Variants in CPQ observed in about 807,000 individuals in gnomAD.
CPQ encodes carboxypeptidase Q.
A neutral mutation model predicts 45.7 loss-of-function variants in CPQ; 37 were observed. The ratio of observed to expected loss-of-function variants is 0.81; its 90% CI spans 0.62 to 1.07. CPQ has a LOEUF of 1.07. Among genes scored for constraint, CPQ ranks in the 50% least tolerant of loss-of-function variants. The pLI is 0.00. For missense variants in CPQ, 537 were observed against 572.9 expected (o/e 0.94, Z 0.64); for synonymous variants, 186 against 205.8 (o/e 0.90, Z 0.82).
At chr8:96,785,443 T>G in intron 2 of CPQ, 113 bp downstream of exon 2, 6 of 917,376 alleles carry the variant, frequency 6.5e-6, no homozygotes, top group Non-Finnish European at 9.6e-6. Context: ...CCTATTCCAT[T>G]GGCTTAATGA....
chr8:96,804,623 G>C (rs1458150033), intron 2 of CPQ, among the ~76,000 whole-genome samples: 1 of 149,920 alleles, frequency 6.7e-6, no homozygotes, highest in Non-Finnish European at 1.5e-5. Context: ...ATACTCTTTT[G>C]GTCACATAGG....
chr8:96,946,398 A>G (rs1813188849), intron 4 of CPQ, among the ~76,000 whole-genome samples: 1 of 152,170 alleles, frequency 6.6e-6, no homozygotes, highest in African/African-American at 2.4e-5. Context: ...TTGAAAGAAA[A>G]TTATTATCAG....
intron 1 of CPQ, among the ~76,000 whole-genome samples, chr8:96,774,418 T>C (rs1810582248): frequency 6.6e-6 from 1 of 152,110 alleles, no homozygotes; most frequent in Non-Finnish European, 1.5e-5. Flanking sequence ...TTAAGATAAA[T>C]CTGGTGGCAA....
Position 96,853,558 on chromosome 8 carries a change from G to C in CPQ, c.641+18378G>C, listed in dbSNP as rs532552783. ...ACAAAGCAGATGTTTATAATACTGG[G>C]CATGATTTTTTTTTTTTTTGGTCAA... is the stretch of plus-strand genomic sequence containing the variant. On this transcript the variant is annotated intron_variant, in intron 3 of 7. Transcript: ENST00000220763. Among the ~76,000 whole-genome samples, 178 of 135,898 alleles carry C rather than the reference G, an allele frequency of 1.3e-3. 1 individual carries two copies. The highest frequency in any genetic ancestry group is 4.4e-3 in the African/African-American group (173 of 39,068). The allele number at this position is 135,898 out of a possible 152,430, so 89.2% of individuals were successfully genotyped here.
chr8:97,101,572 C>CTTTTTTTTT (rs5893410), intron 7 of CPQ, among the ~76,000 whole-genome samples: 5 of 114,208 alleles, frequency 4.4e-5, no homozygotes, highest in Non-Finnish European at 8.8e-5. Context: ...TTTCTTTTTT[C>CTTTTTTTTT]TTTTTTTTTT....
At chr8:96,924,191 T>C (rs1812843898) in intron 4 of CPQ, among the ~76,000 whole-genome samples, 1 of 152,170 alleles carries the variant, frequency 6.6e-6, no homozygotes, top group Admixed American at 6.5e-5. Flanking sequence ...ATGGTGGTGA[T>C]TCCATAGCAT....
chr8:96,759,804 GC>G (rs1810375451), intron 1 of CPQ, among the ~76,000 whole-genome samples: 1 of 152,108 alleles, frequency 6.6e-6, no homozygotes, highest in South Asian at 2.1e-4. Context: ...GCTAGTAATA[GC>G]AAATGATCAC....
chr8:96,991,972 A>T (rs1809101910), intron 5 of CPQ, among the ~76,000 whole-genome samples: 1 of 152,148 alleles, frequency 6.6e-6, no homozygotes, highest in South Asian at 2.1e-4. Context: ...AGCCCATAGT[A>T]TCTCTCTGTA....
intron 3 of CPQ, among the ~76,000 whole-genome samples, chr8:96,847,762 A>G (rs1475424155): frequency 2.6e-5 from 4 of 152,042 alleles, no homozygotes; most frequent in Non-Finnish European, 4.4e-5. Flanking sequence ...ATTGCTGTTA[A>G]TTGTTAAAAT....
At chr8:97,051,447 G>C (rs951421114) in intron 6 of CPQ, among the ~76,000 whole-genome samples, 3 of 152,286 alleles carry the variant, frequency 2.0e-5, no homozygotes, top group Admixed American at 2.0e-4. Context: ...AGAATACTTA[G>C]AGATTTCTGC....
intron 1 of CPQ, among the ~76,000 whole-genome samples, chr8:96,696,408 T>A (rs112296801): frequency 2.6e-5 from 4 of 151,652 alleles, no homozygotes; most frequent in African/African-American, 7.3e-5. Context: ...AACCTGCACA[T>A]TGTGCACATG....
At chr8:96,730,132 C>T (rs914483991) in intron 1 of CPQ, among the ~76,000 whole-genome samples, 1 of 152,188 alleles carries the variant, frequency 6.6e-6, no homozygotes, top group African/African-American at 2.4e-5. Context: ...GACACAAACT[C>T]ATGTGAACAC....
At chr8:96,865,902 T>C (rs903558433) in intron 3 of CPQ, among the ~76,000 whole-genome samples, 2 of 152,048 alleles carry the variant, frequency 1.3e-5, no homozygotes, top group Non-Finnish European at 2.9e-5. Context: ...TAGACATATA[T>C]AGATAAATAG....
In CPQ at chr8:96,785,954, A is replaced by G. The variant is rs542297713; in HGVS notation, c.433+624A>G. ...TCCGGTGGCAGAAGAACGAGTTTCT[A>G]TTCTTTTGACTTTTTTGAATGCCAA... On this transcript the variant is annotated intron_variant, in intron 2 of 7. Coordinates refer to ENST00000220763, the MANE Select transcript of CPQ (RefSeq NM_016134.4). Among the ~76,000 whole-genome samples the G allele has an allele frequency of 2.4e-4, 36 of 152,306 alleles. No individual in the cohort carries two copies. The South Asian group carries it at 5.8e-3, about 25-fold the overall frequency.
At chr8:96,907,957 T>A (rs1004378474) in intron 4 of CPQ, among the ~76,000 whole-genome samples, 2 of 152,158 alleles carry the variant, frequency 1.3e-5, no homozygotes, top group Admixed American at 1.3e-4. Flanking sequence ...AATTGGAGGC[T>A]CTGAACATTA....
intron 4 of CPQ, among the ~76,000 whole-genome samples, chr8:96,939,173 C>A (rs145247142): frequency 6.6e-6 from 1 of 152,212 alleles, no homozygotes; most frequent in African/African-American, 2.4e-5. Context: ...ATACCATCGA[C>A]CTTAGTCAAT....
intron 7 of CPQ, among the ~76,000 whole-genome samples, chr8:97,116,469 C>A (rs971510197): frequency 6.6e-6 from 1 of 152,166 alleles, no homozygotes; most frequent in Non-Finnish European, 1.5e-5. Flanking sequence ...TAGAATAAGG[C>A]CTTCAGTGGT....
chr8:96,895,185 TCTAAGC>T (rs912351995), intron 4 of CPQ, among the ~76,000 whole-genome samples: 1 of 152,220 alleles, frequency 6.6e-6, no homozygotes, highest in African/African-American at 2.4e-5. Flanking sequence ...TTAGTTTTTT[TCTAAGC>T]ATGTTTAACT....
chr8:96,934,722 G>C (rs1186589790), intron 4 of CPQ, among the ~76,000 whole-genome samples: 1 of 152,098 alleles, frequency 6.6e-6, no homozygotes, highest in Admixed American at 6.6e-5. Context: ...CTGTAGAGCA[G>C]CTCCTTTTTG....
Sources: allele counts gnomAD v4.1 joint callset (sites outside exome capture counted in the v4.1 genomes callset), GRCh38; gene constraint gnomAD v4.1.1; transcripts MANE v1.5; gene names NCBI Gene and HGNC (gene_info 2026-07-23, HGNC 2026-07-21).